The following ANKS1B variants were observed in gnomAD, a reference collection of about 807,000 sequenced individuals.
ANKS1B encodes the protein ankyrin repeat and sterile alpha motif domain-containing protein 1B.
A neutral mutation model predicts 148.3 loss-of-function variants in ANKS1B; 36 were observed. That is an observed-to-expected ratio of 0.24 (90% CI 0.19 to 0.32). ANKS1B has a LOEUF of 0.32. Among genes scored for constraint, ANKS1B ranks in the 10% least tolerant of loss-of-function variants. ANKS1B has a pLI of 1.00. For synonymous variants in ANKS1B, 542 were observed against 560.8 expected, an observed-to-expected ratio of 0.97 and a Z score of 0.47; for missense variants, 1,157 against 1,542.6, an observed-to-expected ratio of 0.75 and a Z score of 4.19.
intron 25 of ANKS1B, among the ~76,000 whole-genome samples, chr12:98,760,992 C>T (rs1438293847): frequency 2.0e-5 from 3 of 152,176 alleles, no homozygotes; most frequent in African/African-American, 4.8e-5. Flanking sequence ...ATCCTAGGGA[C>T]GAGGCTAAGT....
chr12:99,608,712 G>A (rs1460898120), intron 9 of ANKS1B, among the ~76,000 whole-genome samples: 1 of 152,062 alleles, frequency 6.6e-6, no homozygotes. Flanking sequence ...ACCAAATGAG[G>A]AAGACAGAGG....
At chr12:99,616,949 A>C (rs1020793546) in intron 9 of ANKS1B, among the ~76,000 whole-genome samples, 3 of 152,202 alleles carry the variant, frequency 2.0e-5, no homozygotes, top group African/African-American at 7.2e-5. Context: ...ACAAGAAAAA[A>C]AAACAAACAA....
At position 99,089,303 on chromosome 12, in the gene ANKS1B, T is replaced by G. The variant is rs551070820; in HGVS notation, c.2527-4280A>C. On this transcript the variant is annotated intron_variant, in intron 15 of 26. Coordinates refer to ENST00000683438, the MANE Select transcript of ANKS1B (RefSeq NM_001352186.2). ...ACCCAGTACACTCCAGTCCCATGTT[T>G]TCATCTCCCATTTTCCTCCTCAACC... is the stretch of plus-strand genomic sequence containing the variant. Among the ~76,000 whole-genome samples, 14 of 152,234 alleles carry G rather than the reference T, an allele frequency of 9.2e-5. No homozygotes were observed. In the South Asian group the frequency reaches 2.9e-3, roughly 32 times the overall value.
At chr12:99,729,250 C>T (rs544140568) in intron 8 of ANKS1B, among the ~76,000 whole-genome samples, 2 of 152,268 alleles carry the variant, frequency 1.3e-5, no homozygotes, top group South Asian at 2.1e-4. Flanking sequence ...ATTTTTGGCA[C>T]CTTAAAGACA....
chr12:99,155,522 G>A (rs1322806002), intron 14 of ANKS1B, among the ~76,000 whole-genome samples: 2 of 151,882 alleles, frequency 1.3e-5, no homozygotes, highest in East Asian at 3.9e-4. Flanking sequence ...AGCTATAAAG[G>A]TAACATTAAC....
At chr12:99,856,187 G>A (rs2089017100) in intron 1 of ANKS1B, among the ~76,000 whole-genome samples, 1 of 152,004 alleles carries the variant, frequency 6.6e-6, no homozygotes, top group Admixed American at 6.6e-5. Flanking sequence ...TAATCAAGAA[G>A]AGAGAAGATC....
chr12:99,199,135 T>G (rs1017994039), intron 14 of ANKS1B, among the ~76,000 whole-genome samples: 3 of 152,178 alleles, frequency 2.0e-5, no homozygotes, highest in African/African-American at 7.2e-5. Flanking sequence ...CCTGGCCAAT[T>G]TTTTGACTAC....
rs2062207858 is a variant in ANKS1B at position 99,762,309 on chromosome 12, TAA to T, written c.1128+10611_1128+10612del. ...TTCCAACTATACTATACAGCTACAATAACAAATACTTCATGGTACTGGTACAA... is the reference window on the plus strand; with the variant it reads ...TTCCAACTATACTATACAGCTACAATCAAATACTTCATGGTACTGGTACAA... On this transcript the variant is annotated intron_variant, in intron 8 of 26. Coordinates refer to ENST00000683438, the MANE Select transcript of ANKS1B (RefSeq NM_001352186.2). Among the ~76,000 whole-genome samples the T allele has an allele frequency of 2.0e-5, 3 of 151,234 alleles. No individual in the cohort carries two copies. In the East Asian group the frequency reaches 6.4e-4, roughly 32 times the overall value.
Position 98,997,643 on chromosome 12 carries a change from G to A in ANKS1B, c.2778+55514C>T, listed in dbSNP as rs138379140. 5.3e-5 allele frequency among the ~76,000 whole-genome samples: 8 copies of A among 152,024 alleles called. No homozygotes were observed. The East Asian group carries it at 7.8e-4, about 15-fold the overall frequency. ...CTTGACCTCGTGATCTGCCTGCCTCGGCCTCTCAAAGTGCTGGAATTACAG... is the reference window on the plus strand; with the variant it reads ...CTTGACCTCGTGATCTGCCTGCCTCAGCCTCTCAAAGTGCTGGAATTACAG... On this transcript the variant is annotated intron_variant, in intron 17 of 26. Coordinates refer to ENST00000683438, the MANE Select transcript of ANKS1B (RefSeq NM_001352186.2).
chr12:99,714,964 C>T (rs1003227730), intron 8 of ANKS1B, among the ~76,000 whole-genome samples: 2 of 124,382 alleles, frequency 1.6e-5, no homozygotes, highest in Admixed American at 7.9e-5. Context: ...ATTAAAAATA[C>T]AAAAAAAAAA....
At chr12:98,759,197 G>T (rs2098339368) in intron 25 of ANKS1B, among the ~76,000 whole-genome samples, 1 of 152,214 alleles carries the variant, frequency 6.6e-6, no homozygotes, top group Non-Finnish European at 1.5e-5. Context: ...TCTTGTGCAA[G>T]CTGAAGATAT....
intron 9 of ANKS1B, among the ~76,000 whole-genome samples, chr12:99,598,969 T>C (rs1408003783): frequency 6.6e-6 from 1 of 152,070 alleles, no homozygotes; most frequent in Non-Finnish European, 1.5e-5. Flanking sequence ...ATTTCATTCC[T>C]TGCCTTTTTT....
intron 17 of ANKS1B, among the ~76,000 whole-genome samples, chr12:98,836,415 A>G (rs532387343): frequency 4.6e-5 from 7 of 152,336 alleles, no homozygotes; most frequent in Non-Finnish European, 7.3e-5. Context: ...GAGCTGGCTC[A>G]CTGTGGAGTG....
chr12:99,387,344 G>T (rs370105693), intron 12 of ANKS1B, among the ~76,000 whole-genome samples: 2 of 152,164 alleles, frequency 1.3e-5, no homozygotes, highest in Non-Finnish European at 2.9e-5. Context: ...CTGGCCGGGC[G>T]CGGTGGCTCA....
intron 14 of ANKS1B, among the ~76,000 whole-genome samples, chr12:99,164,304 T>C (rs1668091688): frequency 6.6e-6 from 1 of 152,186 alleles, no homozygotes; most frequent in Admixed American, 6.5e-5. Flanking sequence ...TCTGAAGTTT[T>C]AAAATACAAT....
intron 1 of ANKS1B, among the ~76,000 whole-genome samples, chr12:99,980,683 T>C (rs1204072733): frequency 6.6e-6 from 1 of 152,046 alleles, no homozygotes; most frequent in Non-Finnish European, 1.5e-5. Context: ...TTAACATCTA[T>C]GCTGTCTTGC....
chr12:99,203,958 C>G (rs902278703), intron 14 of ANKS1B, among the ~76,000 whole-genome samples: 1 of 152,134 alleles, frequency 6.6e-6, no homozygotes, highest in African/African-American at 2.4e-5. Flanking sequence ...GGAACTGGAA[C>G]AGGAGAAGTG....
At chr12:99,945,579 T>C (rs2095040822) in intron 1 of ANKS1B, among the ~76,000 whole-genome samples, 1 of 152,182 alleles carries the variant, frequency 6.6e-6, no homozygotes, top group Admixed American at 6.5e-5. Context: ...TCTCACAATA[T>C]AATGAGCCAG....
intron 10 of ANKS1B, among the ~76,000 whole-genome samples, chr12:99,495,210 T>C (rs2096592313): frequency 6.6e-6 from 1 of 152,170 alleles, no homozygotes; most frequent in Non-Finnish European, 1.5e-5. Context: ...CACGACATCA[T>C]AAAGAGCCTA....
Sources: allele counts gnomAD v4.1 joint callset (sites outside exome capture counted in the v4.1 genomes callset), GRCh38; gene constraint gnomAD v4.1.1; transcripts MANE v1.5; gene names NCBI Gene and HGNC (gene_info 2026-07-23, HGNC 2026-07-21).